Variants in KIAA1328 observed in about 807,000 individuals in gnomAD.
The protein encoded by KIAA1328 is protein hinderin.
KIAA1328 carries 52 observed loss-of-function variants against 68.1 expected under a neutral mutation model. The observed-to-expected ratio is 0.76, with a 90% CI of 0.61 to 0.96. KIAA1328 has a LOEUF of 0.96. KIAA1328 is among the 40% of genes least tolerant of loss of function. KIAA1328 has a pLI of 0.00. For missense variants in KIAA1328, 641 were observed against 677.6 expected (o/e 0.95, Z 0.60); for synonymous variants, 232 against 239.4 (o/e 0.97, Z 0.28).
At chr18:36,984,534 A>G (rs991484711) in intron 6 of KIAA1328, among the ~76,000 whole-genome samples, 27 of 152,214 alleles carry the variant, frequency 1.8e-4, no homozygotes, top group African/African-American at 6.5e-4. Context: ...ATGGAATAAA[A>G]AGAAATAAAT....
At chr18:37,049,382 A>T (rs970049391) in intron 6 of KIAA1328, among the ~76,000 whole-genome samples, 1 of 152,226 alleles carries the variant, frequency 6.6e-6, no homozygotes, top group Non-Finnish European at 1.5e-5. Context: ...AAAAGAAGTT[A>T]GGGCATTTGA....
At position 36,981,929 on chromosome 18, in the gene KIAA1328, T is replaced by C. The variant is rs996968134; in HGVS notation, c.576+22494T>C. On this transcript the variant is annotated intron_variant, in intron 6 of 9. Coordinates refer to ENST00000280020, the MANE Select transcript of KIAA1328 (RefSeq NM_020776.3). Reference sequence around the variant, plus strand: ...TGTGTATGAAAATCATTCTGTCTAATAACAAAAATACACTGGATCGGATTA... The same window carrying C: ...TGTGTATGAAAATCATTCTGTCTAACAACAAAAATACACTGGATCGGATTA... Among the ~76,000 whole-genome samples, 7 of 151,398 alleles carry C rather than the reference T, an allele frequency of 4.6e-5. No individual in the cohort carries two copies. In the East Asian group the frequency reaches 1.4e-3, roughly 29 times the overall value.
intron 6 of KIAA1328, among the ~76,000 whole-genome samples, chr18:37,009,890 G>T (rs2053912601): frequency 1.3e-5 from 2 of 152,134 alleles, no homozygotes; most frequent in African/African-American, 4.8e-5. Context: ...TTAAGCCAAT[G>T]AGTTTCTCTT....
At chr18:37,167,606 A>G (rs1178379351) in intron 8 of KIAA1328, among the ~76,000 whole-genome samples, 1 of 151,672 alleles carries the variant, frequency 6.6e-6, no homozygotes, top group African/African-American at 2.4e-5. Flanking sequence ...GCCTGTTGGT[A>G]TGTTCTTCCG....
At chr18:37,079,877 G>C (rs1355555082) in intron 7 of KIAA1328, among the ~76,000 whole-genome samples, 1 of 137,888 alleles carries the variant, frequency 7.3e-6, no homozygotes, top group Non-Finnish European at 1.6e-5. Context: ...ACAGAGCAAG[G>C]CTGTCTCAAA....
At chr18:37,000,410 G>T (rs1423358730) in intron 6 of KIAA1328, among the ~76,000 whole-genome samples, 1 of 152,082 alleles carries the variant, frequency 6.6e-6, no homozygotes, top group Non-Finnish European at 1.5e-5. Flanking sequence ...CAGTAAAAGT[G>T]GGGGACTTCA....
intron 5 of KIAA1328, among the ~76,000 whole-genome samples, chr18:36,933,793 G>C (rs1475905097): frequency 6.6e-6 from 1 of 152,244 alleles, no homozygotes; most frequent in African/African-American, 2.4e-5. Context: ...GGAGCAGCCA[G>C]GCAGGGGCCT....
chr18:37,098,636 T>C (rs552966411), intron 7 of KIAA1328, among the ~76,000 whole-genome samples: 2 of 152,350 alleles, frequency 1.3e-5, no homozygotes, highest in East Asian at 3.9e-4. Context: ...CTGGAATAGT[T>C]TCAGAAGGAA....
chr18:36,864,513 G>T (rs1422155304), intron 4 of KIAA1328, among the ~76,000 whole-genome samples: 5 of 151,772 alleles, frequency 3.3e-5, no homozygotes, highest in African/African-American at 1.2e-4. Flanking sequence ...GTGTTAGCCA[G>T]GAGTTATAAT....
intron 6 of KIAA1328, among the ~76,000 whole-genome samples, chr18:37,017,195 C>T (rs555539639): frequency 2.0e-5 from 3 of 151,916 alleles, no homozygotes; most frequent in Non-Finnish European, 4.4e-5. Context: ...TTTTTTATTT[C>T]TGCCTTGATT....
intron 6 of KIAA1328, among the ~76,000 whole-genome samples, chr18:37,017,715 G>A (rs1341382615): frequency 2.0e-5 from 3 of 152,036 alleles, no homozygotes; most frequent in Admixed American, 6.6e-5. Context: ...GTTATAGAAT[G>A]CCTTTCTGTC....
At chr18:37,216,864 A>T (rs145170497) in intron 9 of KIAA1328, among the ~76,000 whole-genome samples, 15,697 of 133,038 alleles carry the variant, frequency 0.12, 1,047 homozygotes, top group Middle Eastern at 0.17. Context: ...TGTTGAATTG[A>T]TCCCTTTACC....
At chr18:37,199,268 A>G (rs1172986736) in intron 9 of KIAA1328, among the ~76,000 whole-genome samples, 1 of 152,110 alleles carries the variant, frequency 6.6e-6, no homozygotes, top group Non-Finnish European at 1.5e-5. Context: ...GCCATCTGGT[A>G]GGCCCTAGTG....
At chr18:37,101,635 G>A (rs984219541) in intron 7 of KIAA1328, among the ~76,000 whole-genome samples, 1 of 152,230 alleles carries the variant, frequency 6.6e-6, no homozygotes, top group Middle Eastern at 3.4e-3. Context: ...TAGCAAGGCA[G>A]GCCAACATTC....
At chr18:37,097,154 C>G (rs323317) in intron 7 of KIAA1328, among the ~76,000 whole-genome samples, 60,603 of 152,024 alleles carry the variant, frequency 0.4, 13,763 homozygotes, top group African/African-American at 0.62. Context: ...TTGCCCATGC[C>G]TATGTCCTGA....
At chr18:36,884,301 C>T (rs746182399) in intron 4 of KIAA1328, among the ~76,000 whole-genome samples, 8 of 151,952 alleles carry the variant, frequency 5.3e-5, no homozygotes, top group Non-Finnish European at 1.2e-4. Context: ...AGATTACCCT[C>T]TTTGAAAGAA....
At chr18:37,073,670 G>GTCT (rs2056611443) in intron 7 of KIAA1328, among the ~76,000 whole-genome samples, 1 of 151,990 alleles carries the variant, frequency 6.6e-6, no homozygotes, top group African/African-American at 2.4e-5. Context: ...TTTACTTATT[G>GTCT]TCTTTTTCAG....
intron 4 of KIAA1328, among the ~76,000 whole-genome samples, chr18:36,849,389 A>G (rs1180501977): frequency 1.3e-5 from 2 of 151,940 alleles, no homozygotes; most frequent in Admixed American, 1.3e-4. Flanking sequence ...CATAATCCCA[A>G]AGGAAACTAT....
intron 4 of KIAA1328, among the ~76,000 whole-genome samples, chr18:36,883,113 G>A (rs879219536): frequency 6.6e-6 from 1 of 151,890 alleles, no homozygotes; most frequent in Admixed American, 6.6e-5. Context: ...TTCTTTCGTC[G>A]TGTCTTCAAG....
Sources: gnomAD v4.1 joint callset for allele counts (sites outside exome capture counted in the v4.1 genomes callset) on GRCh38, gnomAD v4.1.1 for gene constraint, MANE v1.5 for transcripts, NCBI Gene and HGNC (gene_info 2026-07-23, HGNC 2026-07-21) for gene names.